The following PPP2R2B variants were observed in gnomAD, a reference collection of about 807,000 sequenced individuals.
The protein encoded by PPP2R2B is protein phosphatase 2 regulatory subunit Bbeta, also known as serine/threonine-protein phosphatase 2A 55 kDa regulatory subunit B beta isoform.
PPP2R2B carries 5 observed loss-of-function variants against 46.0 expected under a neutral mutation model. The ratio of observed to expected loss-of-function variants is 0.11; its 90% CI spans 0.06 to 0.23. PPP2R2B has a LOEUF of 0.23. Among genes scored for constraint, PPP2R2B ranks in the 10% least tolerant of loss-of-function variants. PPP2R2B has a pLI of 1.00. For synonymous variants in PPP2R2B, 215 were observed against 206.7 expected (o/e 1.04, Z -0.34); for missense variants, 367 against 575.0 (o/e 0.64, Z 3.70).
chr5:146,825,546 T>G (rs951007598), intron 2 of PPP2R2B, among the ~76,000 whole-genome samples: 5 of 152,202 alleles, frequency 3.3e-5, no homozygotes, highest in Non-Finnish European at 5.9e-5. Context: ...ATCATAAGTG[T>G]TTTTTCTTTC....
At chr5:146,851,292 T>C (rs1279877135) in intron 2 of PPP2R2B, among the ~76,000 whole-genome samples, 1 of 152,140 alleles carries the variant, frequency 6.6e-6, no homozygotes, top group East Asian at 1.9e-4. Flanking sequence ...AACAAATATT[T>C]ACTGAGCATA....
chr5:146,594,391 A>T (rs1410667905), intron 8 of PPP2R2B, among the ~76,000 whole-genome samples: 1 of 152,198 alleles, frequency 6.6e-6, no homozygotes, highest in Non-Finnish European at 1.5e-5. Context: ...ACATTCAGCA[A>T]CTCAGCTGTA....
In PPP2R2B at chr5:146,708,594, T is replaced by A. The variant is rs151294654; in HGVS notation, c.71-7452A>T. 6.3e-3 allele frequency among the ~76,000 whole-genome samples: 953 copies of A among 152,186 alleles called. 8 individuals carry two copies. Among genetic ancestry groups the A allele is most frequent in the Non-Finnish European group, 9.4e-3 (640 of 68,000 alleles). On this transcript the variant is annotated intron_variant, in intron 2 of 9. Coordinates refer to ENST00000394411, the MANE Select transcript of PPP2R2B (RefSeq NM_181675.4). ...TAGTGGACAATTCTTCCAAAAGAAG[T>A]AAAATTATGGGAATAAAATGAACTG... is the stretch of plus-strand genomic sequence containing the variant.
intron 1 of PPP2R2B, among the ~76,000 whole-genome samples, chr5:146,991,238 A>G (rs1413870162): frequency 1.3e-5 from 2 of 152,186 alleles, no homozygotes; most frequent in Non-Finnish European, 2.9e-5. Flanking sequence ...TACAAAGGAA[A>G]TGAAATCAGT....
Position 146,584,757 on chromosome 5 carries a change from T to C in PPP2R2B, c.*5190A>G, listed in dbSNP as rs964491742. ...AATAAGGTTTAATAAATATTTGTTA[T>C]TGGATGAACAAAAGGAAAAAGGGGT... On this transcript the variant is annotated 3_prime_UTR_variant, in exon 10 of 10. Coordinates refer to ENST00000394411, the MANE Select transcript of PPP2R2B (RefSeq NM_181675.4). The C allele has an allele frequency of 1.3e-5, 2 of 152,320 alleles. No homozygotes were observed. The highest frequency in any genetic ancestry group is 2.1e-4 in the South Asian group (1 of 4,832). The allele number at this position is 152,320 out of a possible 1,614,324, so 9.4% of individuals were successfully genotyped here. A position where few individuals can be genotyped will look rare whatever the true frequency, so the allele number is the denominator to read the frequency against.
At chr5:146,776,352 T>C (rs559635603) in intron 2 of PPP2R2B, among the ~76,000 whole-genome samples, 7 of 152,240 alleles carry the variant, frequency 4.6e-5, no homozygotes, top group African/African-American at 1.7e-4. Flanking sequence ...CCATCATCTC[T>C]ATGGTCAAAT....
chr5:146,899,756 G>A (rs1206375042), intron 1 of PPP2R2B, among the ~76,000 whole-genome samples: 2 of 151,994 alleles, frequency 1.3e-5, no homozygotes, highest in East Asian at 3.8e-4. Context: ...TCAAAAATAA[G>A]GAAATTATTA....
At chr5:146,755,697 G>T (rs1202175146) in intron 2 of PPP2R2B, among the ~76,000 whole-genome samples, 1 of 152,178 alleles carries the variant, frequency 6.6e-6, no homozygotes, top group East Asian at 1.9e-4. Flanking sequence ...AAGAGGTTTT[G>T]TTGTCAGGTA....
intron 3 of PPP2R2B, among the ~76,000 whole-genome samples, chr5:146,698,711 T>A (rs376761624): frequency 6.6e-6 from 1 of 151,508 alleles, no homozygotes; most frequent in African/African-American, 2.4e-5. Context: ...TCACAGCTCA[T>A]AAGGAGCAGA....
chr5:146,597,118 C>G (rs1007530802), intron 8 of PPP2R2B, among the ~76,000 whole-genome samples: 2 of 152,176 alleles, frequency 1.3e-5, no homozygotes, highest in Non-Finnish European at 2.9e-5. Flanking sequence ...TTCCTGCTAC[C>G]TGTCCTTCTT....
At chr5:146,868,736 A>G (rs1761454399) in intron 2 of PPP2R2B, among the ~76,000 whole-genome samples, 1 of 152,210 alleles carries the variant, frequency 6.6e-6, no homozygotes, top group African/African-American at 2.4e-5. Flanking sequence ...ATTGATTCAG[A>G]AGAATATTTT....
intron 2 of PPP2R2B, among the ~76,000 whole-genome samples, chr5:147,070,888 T>C (rs1197203202): frequency 6.6e-6 from 1 of 152,116 alleles, no homozygotes; most frequent in African/African-American, 2.4e-5. Context: ...TCCTTGCCAA[T>C]GGATGGTTTA....
At chr5:147,062,999 G>GC (rs1757308413) in intron 2 of PPP2R2B, among the ~76,000 whole-genome samples, 1 of 115,458 alleles carries the variant, frequency 8.7e-6, no homozygotes, top group Admixed American at 9.4e-5. Context: ...AGGGAGGGAG[G>GC]GGGGAAGAAG....
At position 146,698,006 on chromosome 5, in the gene PPP2R2B, C is replaced by T. The variant is rs1369633533; in HGVS notation, c.307G>A (p.Ala103Thr). The change falls in exon 4 of 10, where the codon GCA becomes ACA. Residue 103 changes from alanine to threonine, a missense_variant. Transcript: ENST00000394411. ...TTAGTAGACAGAAGAAAGTAAGCTG[C>T]ATTCTGCTGGGGGAGCCATCTTATT... ...NKIRWLPQQN[A>T]AYFLLSTNDK... The T allele has an allele frequency of 6.2e-7, 1 of 1,612,506 alleles. No homozygotes were observed. Among genetic ancestry groups the T allele is most frequent in the Non-Finnish European group, 8.5e-7 (1 of 1,179,510 alleles).
intron 9 of PPP2R2B, among the ~76,000 whole-genome samples, chr5:146,590,444 G>C (rs1261973123): frequency 7.0e-6 from 1 of 142,312 alleles, no homozygotes; most frequent in Non-Finnish European, 1.5e-5. Context: ...AGGATTTTTG[G>C]CTGGGTTTGG....
intron 1 of PPP2R2B, among the ~76,000 whole-genome samples, chr5:146,903,559 C>T (rs1208826089): frequency 6.6e-6 from 1 of 152,006 alleles, no homozygotes; most frequent in Non-Finnish European, 1.5e-5. Context: ...CCACACCTGT[C>T]TAACTTTTAA....
intron 1 of PPP2R2B, among the ~76,000 whole-genome samples, chr5:146,971,938 A>ATTACTAT (rs1752680734): frequency 6.6e-6 from 1 of 152,202 alleles, no homozygotes; most frequent in Non-Finnish European, 1.5e-5. Flanking sequence ...CATCAAAACT[A>ATTACTAT]AGCAACTAAC....
chr5:146,706,414 C>G (rs1288172674), intron 2 of PPP2R2B: 2 of 875,280 alleles, frequency 2.3e-6, no homozygotes, highest in Admixed American at 3.6e-5. Flanking sequence ...TGGTGGTCTT[C>G]GTATGGATAC....
chr5:146,716,668 T>G (rs1780517999), intron 2 of PPP2R2B, among the ~76,000 whole-genome samples: 1 of 152,186 alleles, frequency 6.6e-6, no homozygotes, highest in South Asian at 2.1e-4. Flanking sequence ...GACCTTTGCT[T>G]AAACAATTCT....
Sources: gnomAD v4.1 joint callset for allele counts (sites outside exome capture counted in the v4.1 genomes callset) on GRCh38, gnomAD v4.1.1 for gene constraint, MANE v1.5 for transcripts, NCBI Gene and HGNC (gene_info 2026-07-23, HGNC 2026-07-21) for gene names.